Variants in MAP7D2 observed in about 807,000 individuals in gnomAD.
The protein encoded by MAP7D2 is MAP7 domain-containing protein 2.
Under a neutral mutation model 63.5 loss-of-function variants are expected in MAP7D2, and 33 were observed. The ratio of observed to expected loss-of-function variants is 0.52; its 90% CI spans 0.39 to 0.70. MAP7D2 has a LOEUF of 0.70. MAP7D2 is among the 30% of genes least tolerant of loss of function. The probability of loss-of-function intolerance (pLI) is 0.00; values close to 1 mark genes in which losing one functional copy is unlikely to be tolerated. For synonymous variants in MAP7D2, 224 were observed against 223.7 expected, an observed-to-expected ratio of 1.00 and a Z score of -0.01; for missense variants, 626 against 604.0, an observed-to-expected ratio of 1.04 and a Z score of -0.38.
intron 8 of MAP7D2, among the ~76,000 whole-genome samples, chrX:20,042,254 T>C (rs1479830699): frequency 9.0e-6 from 1 of 110,970 alleles, no homozygotes; most frequent in Non-Finnish European, 1.9e-5. Context: ...AAAGAGAAAA[T>C]GCTGAATGCA....
intron 1 of MAP7D2, among the ~76,000 whole-genome samples, chrX:20,087,096 G>A (rs1041478251): frequency 4.5e-5 from 5 of 112,252 alleles, no homozygotes; most frequent in Admixed American, 1.9e-4. Context: ...CATTGGTGGG[G>A]GGAGTGACAG....
At position 20,110,502 on chromosome X, in the gene MAP7D2, A is replaced by C. The variant is rs752296115; in HGVS notation, c.130+6248T>G. On this transcript the variant is annotated intron_variant, in intron 1 of 16. Transcript: ENST00000379643. ...GACTCTGTCTCAAAAAAACCAAAACAAAAACAAAAATGAGCCAGACATAGA... is the reference window on the plus strand; with the variant it reads ...GACTCTGTCTCAAAAAAACCAAAACCAAAACAAAAATGAGCCAGACATAGA... Among the ~76,000 whole-genome samples, 387 of 108,343 alleles carry C rather than the reference A, an allele frequency of 3.6e-3. 2 individuals carry two copies. Among genetic ancestry groups the C allele is most frequent in the Non-Finnish European group, 6.2e-3 (322 of 52,262 alleles). 94.1% of individuals were successfully genotyped at this position (108,343 alleles called of 115,157 possible).
chrX:20,017,775 A>T (rs190212307), intron 10 of MAP7D2, among the ~76,000 whole-genome samples: 2 of 111,492 alleles, frequency 1.8e-5, no homozygotes, highest in Admixed American at 9.6e-5. Context: ...TCCAAAATGG[A>T]TGTGTTAATA....
At chrX:20,108,222 T>C (rs1445200814) in intron 1 of MAP7D2, among the ~76,000 whole-genome samples, 1 of 87,319 alleles carries the variant, frequency 1.1e-5, no homozygotes, top group Non-Finnish European at 2.2e-5. Context: ...ATTGAGAGCA[T>C]GCTTCTTTTT....
chrX:20,054,726 C>T (rs1460924405), intron 4 of MAP7D2, among the ~76,000 whole-genome samples: 1 of 111,579 alleles, frequency 9.0e-6, no homozygotes, highest in Non-Finnish European at 1.9e-5. Context: ...GGGCTCCAGG[C>T]ACCCGCCACC....
chrX:20,078,370 C>T (rs779355350), intron 1 of MAP7D2, among the ~76,000 whole-genome samples: 2 of 112,847 alleles, frequency 1.8e-5, no homozygotes, highest in South Asian at 3.6e-4. Flanking sequence ...TCCAAAGTCA[C>T]ACAGCTATTA....
rs1048091608 is a variant in MAP7D2 at position 20,007,327 on chromosome X, A to T, written c.*1098T>A. 1 of 112,577 alleles carries T rather than the reference A, an allele frequency of 8.9e-6. No individual in the cohort carries two copies. Among genetic ancestry groups the T allele is most frequent in the Admixed American group, 9.5e-5 (1 of 10,536 alleles). The allele number at this position is 112,577 out of a possible 1,213,427, so 9.3% of individuals were successfully genotyped here. ...AAAAAGTTTCAAAGAAGAAAAGGTC[A>T]TTTTAATTTGAAAGCCACATTTCGC... On this transcript the variant is annotated 3_prime_UTR_variant, in exon 17 of 17. Coordinates refer to ENST00000379643, the MANE Select transcript of MAP7D2 (RefSeq NM_001168465.2).
chrX:20,018,949 G>A (rs1301273640), intron 10 of MAP7D2, among the ~76,000 whole-genome samples: 1 of 110,997 alleles, frequency 9.0e-6, no homozygotes, highest in Non-Finnish European at 1.9e-5. Flanking sequence ...ACCGCCCTCT[G>A]CCGTGGGCTA....
chrX:20,071,390 C>T, intron 1 of MAP7D2, among the ~76,000 whole-genome samples: 1 of 112,580 alleles, frequency 8.9e-6, no homozygotes, highest in Non-Finnish European at 1.9e-5. Flanking sequence ...TTCTAATGTG[C>T]ATCCAGACCT....
intron 1 of MAP7D2, among the ~76,000 whole-genome samples, chrX:20,103,346 T>C (rs943145124): frequency 8.9e-6 from 1 of 111,951 alleles, no homozygotes; most frequent in Admixed American, 9.5e-5. Flanking sequence ...ACAGAGAGGA[T>C]TGGCTGACTG....
chrX:20,097,258 T>C (rs1473422784), intron 1 of MAP7D2, among the ~76,000 whole-genome samples: 1 of 112,295 alleles, frequency 8.9e-6, no homozygotes, highest in Non-Finnish European at 1.9e-5. Flanking sequence ...GTGTAAACTC[T>C]TAAACTTAAA....
intron 6 of MAP7D2, among the ~76,000 whole-genome samples, chrX:20,046,611 T>C (rs2064805378): frequency 8.9e-6 from 1 of 112,654 alleles, no homozygotes; most frequent in South Asian, 3.7e-4. Context: ...TGGAAAGGGA[T>C]TGATCTTTTC....
chrX:20,019,467 G>C (rs1380168197), intron 10 of MAP7D2, among the ~76,000 whole-genome samples: 1 of 111,577 alleles, frequency 9.0e-6, no homozygotes, highest in Admixed American at 9.5e-5. Context: ...ATCATCCCTT[G>C]TCCCTGTCAC....
intron 1 of MAP7D2, among the ~76,000 whole-genome samples, chrX:20,106,165 T>A (rs1290617602): frequency 8.9e-6 from 1 of 112,317 alleles, no homozygotes; most frequent in Non-Finnish European, 1.9e-5. Context: ...AGTTTTGGAA[T>A]GGACATTCAA....
At chrX:20,112,386 C>T (rs907711465) in intron 1 of MAP7D2, among the ~76,000 whole-genome samples, 3 of 111,836 alleles carry the variant, frequency 2.7e-5, no homozygotes, top group African/African-American at 9.8e-5. Flanking sequence ...CCAAACTCTG[C>T]TAGTCACAAG....
At chrX:20,108,254 A>G (rs1223377017) in intron 1 of MAP7D2, among the ~76,000 whole-genome samples, 1 of 97,250 alleles carries the variant, frequency 1.0e-5, no homozygotes, top group Non-Finnish European at 2.1e-5. Flanking sequence ...TTTTTTTTTG[A>G]GACAGAGTCT....
chrX:20,081,953 A>G (rs1239047560), intron 1 of MAP7D2, among the ~76,000 whole-genome samples: 1 of 111,808 alleles, frequency 8.9e-6, no homozygotes, highest in Non-Finnish European at 1.9e-5. Flanking sequence ...CCCGGCCCAG[A>G]TCTGAGCTTT....
At chrX:20,048,375 C>T (rs1218697998) in intron 6 of MAP7D2, among the ~76,000 whole-genome samples, 2 of 110,877 alleles carry the variant, frequency 1.8e-5, no homozygotes, top group African/African-American at 6.6e-5. Flanking sequence ...GGGTGAAAGG[C>T]GTCCTGAGTG....
intron 1 of MAP7D2, among the ~76,000 whole-genome samples, chrX:20,094,578 GTATATA>G (rs1158827180): frequency 4.5e-4 from 14 of 30,807 alleles, no homozygotes; most frequent in Non-Finnish European, 6.1e-4. Context: ...ACATATATAT[GTATATA>G]TATATATATT....
Sources: gnomAD v4.1 joint callset for allele counts (sites outside exome capture counted in the v4.1 genomes callset) on GRCh38, gnomAD v4.1.1 for gene constraint, MANE v1.5 for transcripts, NCBI Gene and HGNC (gene_info 2026-07-23, HGNC 2026-07-21) for gene names.